Variants in CRACD observed in about 807,000 individuals in gnomAD.
The protein encoded by CRACD is capping protein inhibiting regulator of actin dynamics, also known as capping protein-inhibiting regulator of actin dynamics.
In CRACD, 56 loss-of-function variants were observed where a neutral mutation model predicts 106.8. The observed-to-expected ratio is 0.52, with a 90% CI of 0.42 to 0.66. The LOEUF is 0.66. CRACD is among the 30% of genes least tolerant of loss of function. The pLI is 0.00. For synonymous variants in CRACD, 754 were observed against 670.8 expected (o/e 1.12, Z -1.92); for missense variants, 1,730 against 1,623.2 (o/e 1.07, Z -1.13).
At chr4:56,078,003 A>G (rs968929887) in intron 1 of CRACD, among the ~76,000 whole-genome samples, 5 of 152,232 alleles carry the variant, frequency 3.3e-5, no homozygotes, top group Non-Finnish European at 5.9e-5. Flanking sequence ...AAATTATGAA[A>G]AGATCTTGTC....
chr4:56,104,792 T>C (rs1733889789), intron 1 of CRACD, among the ~76,000 whole-genome samples: 1 of 151,522 alleles, frequency 6.6e-6, no homozygotes, highest in Non-Finnish European at 1.5e-5. Context: ...ATGGTGAAAC[T>C]CTGTCTCTAC....
chr4:56,198,785 A>C (rs1461734918), intron 2 of CRACD, among the ~76,000 whole-genome samples: 1 of 152,210 alleles, frequency 6.6e-6, no homozygotes, highest in African/African-American at 2.4e-5. Flanking sequence ...TGAAGGGGAA[A>C]ATAAACGGTG....
chr4:56,132,237 A>G (rs768682864), intron 1 of CRACD, among the ~76,000 whole-genome samples: 11 of 152,068 alleles, frequency 7.2e-5, no homozygotes, highest in Admixed American at 1.3e-4. Context: ...ATGGGGTTTC[A>G]CCATGTTGCC....
At chr4:56,208,450 TGCATTAAA>T (rs1393821515) in intron 2 of CRACD, among the ~76,000 whole-genome samples, 1 of 152,182 alleles carries the variant, frequency 6.6e-6, no homozygotes, top group Non-Finnish European at 1.5e-5. Context: ...CTTTGACATA[TGCATTAAA>T]GCATTCCAGC....
intron 1 of CRACD, among the ~76,000 whole-genome samples, chr4:56,099,304 G>A (rs1733706752): frequency 6.6e-6 from 1 of 152,106 alleles, no homozygotes; most frequent in Non-Finnish European, 1.5e-5. Flanking sequence ...GATGTTCCCT[G>A]TTTCCTCTGA....
intron 1 of CRACD, among the ~76,000 whole-genome samples, chr4:56,087,153 C>T (rs998871610): frequency 6.6e-6 from 1 of 152,088 alleles, no homozygotes; most frequent in Admixed American, 6.5e-5. Context: ...GCTGGGATTA[C>T]AGGCATCCGT....
intron 2 of CRACD, among the ~76,000 whole-genome samples, chr4:56,255,998 G>T (rs1047717373): frequency 2.0e-5 from 3 of 152,180 alleles, no homozygotes; most frequent in Non-Finnish European, 4.4e-5. Flanking sequence ...GGTCCTGGCT[G>T]ATAGGGATGC....
At chr4:56,162,987 G>A (rs73152973) in intron 1 of CRACD, among the ~76,000 whole-genome samples, 8,852 of 152,194 alleles carry the variant, frequency 0.058, 443 homozygotes, top group African/African-American at 0.12. Flanking sequence ...TAATGAATGG[G>A]CATGGCTGTC....
At chr4:56,105,610 A>T (rs1733925302) in intron 1 of CRACD, among the ~76,000 whole-genome samples, 1 of 152,230 alleles carries the variant, frequency 6.6e-6, no homozygotes, top group South Asian at 2.1e-4. Context: ...ATTATAAGCC[A>T]AGGTTAAGCG....
intron 1 of CRACD, among the ~76,000 whole-genome samples, chr4:56,124,062 C>T (rs1430879611): frequency 6.6e-6 from 1 of 152,086 alleles, no homozygotes; most frequent in African/African-American, 2.4e-5. Flanking sequence ...CTCAGCCTCC[C>T]AAGTAGCTGG....
chr4:56,298,276 G>C lies in CRACD; in HGVS notation c.47G>C (p.Gly16Ala). Residue 16 changes from glycine (G) to alanine (A), a missense_variant, in exon 4 of 11, where the codon GGG becomes GCG. Gly to Ala is a moderately conservative substitution (Grantham distance 60, BLOSUM62 0). Transcript: ENST00000682029. ...CATGACAGTATTTTTATCCCTGATGGGGGAGCAGAAAGTGAGCAGACAGTT... is the reference window on the plus strand; with the variant it reads ...CATGACAGTATTTTTATCCCTGATGCGGGAGCAGAAAGTGAGCAGACAGTT... ...FSHDSIFIPD[G>A]GAESEQTVQA... is the part of the protein sequence containing the mutation. 1 of 1,614,128 alleles carries C rather than the reference G, an allele frequency of 6.2e-7. No individual in the cohort carries two copies. Among genetic ancestry groups the C allele is most frequent in the Non-Finnish European group, 8.5e-7 (1 of 1,180,020 alleles).
intron 3 of CRACD, among the ~76,000 whole-genome samples, chr4:56,280,697 T>C (rs141002251): frequency 0.012 from 1,870 of 152,328 alleles, 26 homozygotes; most frequent in Non-Finnish European, 0.016. Context: ...CAAGTCAATA[T>C]TCATCTAATT....
intron 1 of CRACD, among the ~76,000 whole-genome samples, chr4:56,099,317 C>T (rs751010256): frequency 8.6e-5 from 13 of 151,992 alleles, no homozygotes; most frequent in Non-Finnish European, 1.3e-4. Context: ...TCCTCTGACT[C>T]CTTTATTTTT....
rs567082635 is a variant in CRACD at position 56,314,965 on chromosome 4, C to T, written c.1463C>T (p.Thr488Met). 76 of 1,588,980 alleles carry T rather than the reference C, an allele frequency of 4.8e-5. 1 individual carries two copies. The South Asian group carries it at 7.7e-4, about 16-fold the overall frequency. ...GPEEKREEGD[T>M]EPLLKQEGPV... ...GAGGAAAAGAGAGAAGAAGGGGACA[C>T]GGAGCCTCTCCTGAAACAAGAGGGG... The change falls in exon 8 of 11, where the codon ACG (threonine) becomes ATG (methionine). Residue 488 changes from threonine to methionine, a missense_variant. By Grantham distance (81) the Thr-to-Met change is moderately conservative (BLOSUM62 -1). Coordinates refer to ENST00000682029, the MANE Select transcript of CRACD (RefSeq NM_001393381.1). The surrounding 1 kb of genome is among the most constrained non-coding windows in gnomAD (Gnocchi z 4.4).
chr4:56,255,928 C>T (rs771645782), intron 2 of CRACD, among the ~76,000 whole-genome samples: 2 of 152,218 alleles, frequency 1.3e-5, no homozygotes, highest in Non-Finnish European at 2.9e-5. Context: ...GTCCAGACTG[C>T]TGTTCAAGTT....
intron 2 of CRACD, among the ~76,000 whole-genome samples, chr4:56,205,107 G>A (rs1417431920): frequency 2.6e-5 from 4 of 152,136 alleles, no homozygotes; most frequent in African/African-American, 7.2e-5. Context: ...AATGAGCTAT[G>A]ATCACACCAC....
intron 1 of CRACD, among the ~76,000 whole-genome samples, chr4:56,127,262 T>C (rs922003023): frequency 6.6e-6 from 1 of 152,168 alleles, no homozygotes; most frequent in African/African-American, 2.4e-5. Context: ...AAATAAATTT[T>C]TGTTTCTTAT....
chr4:56,066,842 T>G (rs1732480979), intron 1 of CRACD, among the ~76,000 whole-genome samples: 2 of 151,974 alleles, frequency 1.3e-5, no homozygotes, highest in African/African-American at 4.8e-5. Flanking sequence ...AATGAATGAA[T>G]GAATGCGTGT....
Position 56,258,512 on chromosome 4 carries a change from G to A in CRACD, c.-188-13809G>A, listed in dbSNP as rs144376073. ...TGAGACTTGTCTCAGATACTTTTTGGTTTGCAGGCCTTGTGGGGAGTTCCC... is the reference window on the plus strand; with the variant it reads ...TGAGACTTGTCTCAGATACTTTTTGATTTGCAGGCCTTGTGGGGAGTTCCC... On this transcript the variant is annotated intron_variant, in intron 2 of 10. Coordinates refer to ENST00000682029, the MANE Select transcript of CRACD (RefSeq NM_001393381.1). Among the ~76,000 whole-genome samples the A allele has an allele frequency of 1.9e-3, 288 of 152,260 alleles. 1 individual carries two copies. The highest frequency in any genetic ancestry group is 5.8e-3 in the African/African-American group (240 of 41,544).
Sources: allele counts gnomAD v4.1 joint callset (sites outside exome capture counted in the v4.1 genomes callset), GRCh38; gene constraint gnomAD v4.1.1; non-coding constraint Gnocchi (gnomAD v3.1); transcripts MANE v1.5; gene names NCBI Gene and HGNC (gene_info 2026-07-23, HGNC 2026-07-21).